SUCO: variants seen among roughly 807,000 people sequenced by gnomAD.
The protein encoded by SUCO is SUN domain containing ossification factor.
SUCO carries 57 observed loss-of-function variants against 148.1 expected under a neutral mutation model. That is an observed-to-expected ratio of 0.38 (90% CI 0.31 to 0.48). The LOEUF (loss-of-function observed/expected upper bound fraction) is 0.48, where lower values mean the gene tolerates loss of function less well. Ranked by LOEUF, SUCO falls within the 20% of genes least tolerant of loss-of-function variation. The pLI, the probability that SUCO is intolerant of heterozygous loss-of-function variation, is 0.96. For missense variants in SUCO, 1,331 were observed against 1,468.2 expected, an observed-to-expected ratio of 0.91 and a Z score of 1.53; for synonymous variants, 470 against 502.7, an observed-to-expected ratio of 0.93 and a Z score of 0.87.
rs758790849 is a variant in SUCO at position 172,551,560 on chromosome 1, G to A, written c.111G>A (p.Ala37=). Reference sequence around the variant, plus strand: ...GTAAAGAGAGTTCTTCAGCTTCAGCGTCATCATATTACTCTCAAGATGACA... The same window carrying A: ...GTAAAGAGAGTTCTTCAGCTTCAGCATCATCATATTACTCTCAAGATGACA... The part of the protein sequence containing the change: ...VCCKESSSAS[A]SSYYSQDDNC... The change falls in exon 2 of 24, where the codon GCG becomes GCA. Residue 37 remains alanine, a synonymous_variant. Coordinates refer to ENST00000263688, the MANE Select transcript of SUCO (RefSeq NM_014283.5). 32 of 1,611,176 alleles carry A rather than the reference G, an allele frequency of 2.0e-5. No homozygotes were observed. Among genetic ancestry groups the A allele is most frequent in the Admixed American group, 1.7e-4 (10 of 59,648 alleles).
rs1336415542 is a variant in SUCO, at chr1:172,594,060, C to T, written c.2913+2989C>T. On this transcript the variant is annotated intron_variant, in intron 19 of 23. Transcript: ENST00000263688. ...TCTTCTGGATTTTCTAGTTTATTTG[C>T]GTAGAGGTGTTTATAGTATTCTCTG... Among the ~76,000 whole-genome samples, 8 of 152,210 alleles carry T rather than the reference C, an allele frequency of 5.3e-5. No individual in the cohort carries two copies. The South Asian group carries it at 1.0e-3, about 20-fold the overall frequency.
chr1:172,550,616 G>A (rs1653220979), intron 1 of SUCO, among the ~76,000 whole-genome samples: 1 of 151,796 alleles, frequency 6.6e-6, no homozygotes, highest in South Asian at 2.1e-4. Flanking sequence ...TTCATGTTTT[G>A]TAATGCTAAT....
At chr1:172,534,052 G>T (rs1222575989) in intron 1 of SUCO, among the ~76,000 whole-genome samples, 4 of 152,204 alleles carry the variant, frequency 2.6e-5, no homozygotes, top group African/African-American at 9.7e-5. Flanking sequence ...GTGTGTGTAT[G>T]TGTGTTATGA....
At chr1:172,532,671 G>C (rs753744815), upstream of SUCO, 1 of 1,614,022 alleles carries the variant, frequency 6.2e-7, no homozygotes, top group Non-Finnish European at 8.5e-7. Flanking sequence ...GGTGAGCAGC[G>C]AAACTATAGA....
At chr1:172,532,404 A>ATAC (rs1421646178), upstream of SUCO, 1 of 1,234,270 alleles carries the variant, frequency 8.1e-7, no homozygotes, top group Non-Finnish European at 1.1e-6. Context: ...AAAGTGAGGA[A>ATAC]CCCGGCAAGC....
At chr1:172,591,538 T>G (rs1656673233) in intron 19 of SUCO, among the ~76,000 whole-genome samples, 1 of 151,650 alleles carries the variant, frequency 6.6e-6, no homozygotes, top group Non-Finnish European at 1.5e-5. Flanking sequence ...TGTTTGGTTT[T>G]CTGTCCTTGT....
intron 1 of SUCO, among the ~76,000 whole-genome samples, chr1:172,549,891 GAA>G (rs60802914): frequency 7.0e-6 from 1 of 143,868 alleles, no homozygotes; most frequent in African/African-American, 2.5e-5. Context: ...TTCCTTCAGG[GAA>G]AAAAAAAAAA....
chr1:172,569,047 T>C lies in SUCO; in HGVS notation c.761T>C (p.Ile254Thr). The C allele has an allele frequency of 1.3e-6, 2 of 1,595,238 alleles. No individual in the cohort carries two copies. Among genetic ancestry groups the C allele is most frequent in the Non-Finnish European group, 1.7e-6 (2 of 1,175,080 alleles). ...TCTGATTATACAAAACCAGGAGACATTGACCCTACATCAGTAGCAAGTCCC... is the reference window on the plus strand; with the variant it reads ...TCTGATTATACAAAACCAGGAGACACTGACCCTACATCAGTAGCAAGTCCC... ...ESSDYTKPGDIDPTSVASPKD... is the reference protein window; with the variant it reads ...ESSDYTKPGDTDPTSVASPKD... The change falls in exon 7 of 24, where the codon ATT becomes ACT. Residue 254 changes from isoleucine to threonine, a missense_variant. Ile to Thr is a moderately conservative substitution (Grantham distance 89). This residue lies in a region of SUCO where 992 missense variants were observed against 1,093.5 expected (regional missense o/e 0.91). Transcript: ENST00000263688.
At chr1:172,561,084 T>C (rs758269176) in intron 6 of SUCO, among the ~76,000 whole-genome samples, 5 of 152,262 alleles carry the variant, frequency 3.3e-5, no homozygotes, top group Non-Finnish European at 7.3e-5. Context: ...TATGGTCTCC[T>C]TGCTTTCAAG....
At chr1:172,556,702 C>T (rs1653785249) in intron 4 of SUCO, 1 of 985,090 alleles carries the variant, frequency 1.0e-6, no homozygotes, top group Non-Finnish European at 1.2e-6. Context: ...AAGCTTGTCT[C>T]AGTATGGGCC....
intron 22 of SUCO, among the ~76,000 whole-genome samples, chr1:172,606,324 T>C (rs973070850): frequency 1.3e-5 from 2 of 151,500 alleles, no homozygotes; most frequent in Non-Finnish European, 3.0e-5. Flanking sequence ...AGATTTTTTA[T>C]TGGGGAGGAA....
chr1:172,608,456 A>G, intron 22 of SUCO: 1 of 379,220 alleles, frequency 2.6e-6, no homozygotes, highest in Non-Finnish European at 4.7e-6. Context: ...GCCCAAAGAA[A>G]GATCGTTATT....
chr1:172,532,631 T>C, upstream of SUCO: 1 of 1,613,966 alleles, frequency 6.2e-7, no homozygotes, highest in Non-Finnish European at 8.5e-7. Flanking sequence ...AGGAAAACAG[T>C]GCAACAGTTC....
intron 19 of SUCO, among the ~76,000 whole-genome samples, chr1:172,597,158 G>A (rs1356475804): frequency 6.6e-6 from 1 of 152,256 alleles, no homozygotes; most frequent in Admixed American, 6.5e-5. Flanking sequence ...TAGGGTGGGA[G>A]CGTCTCAATT....
At chr1:172,605,769 T>C (rs1657829883) in intron 22 of SUCO, among the ~76,000 whole-genome samples, 2 of 151,936 alleles carry the variant, frequency 1.3e-5, no homozygotes, top group African/African-American at 4.8e-5. Flanking sequence ...AAAGACAGTT[T>C]TGTTTTTTCC....
At chr1:172,581,073 C>G (rs1445107673) in intron 15 of SUCO, among the ~76,000 whole-genome samples, 1 of 152,100 alleles carries the variant, frequency 6.6e-6, no homozygotes, top group Non-Finnish European at 1.5e-5. Context: ...GCACTCCAGC[C>G]TGGGGGACAG....
chr1:172,538,036 T>G (rs552226987), intron 1 of SUCO, among the ~76,000 whole-genome samples: 16 of 152,126 alleles, frequency 1.1e-4, no homozygotes, highest in Non-Finnish European at 2.1e-4. Flanking sequence ...TAGAGCTAGG[T>G]TTTGAAAGGA....
chr1:172,590,878 C>T (rs1024810763), intron 18 of SUCO, 106 bp from the exon 19 acceptor site: 13 of 761,368 alleles, frequency 1.7e-5, no homozygotes, highest in Non-Finnish European at 2.8e-5. Flanking sequence ...GAGTCACTTT[C>T]AGAAAAATAG....
intron 19 of SUCO, among the ~76,000 whole-genome samples, chr1:172,593,378 T>G (rs1029404757): frequency 1.3e-5 from 2 of 152,326 alleles, no homozygotes; most frequent in African/African-American, 4.8e-5. Context: ...TGCTTCCAGT[T>G]TTTGTCCATT....
Sources: gnomAD v4.1 joint callset for allele counts (sites outside exome capture counted in the v4.1 genomes callset) on GRCh38, gnomAD v4.1.1 for gene constraint, gnomAD v4.1.1 regional missense constraint, MANE v1.5 for transcripts, NCBI Gene and HGNC (gene_info 2026-07-23, HGNC 2026-07-21) for gene names.